The following VPS13B variants were observed in gnomAD, a reference collection of about 807,000 sequenced individuals.
VPS13B encodes vacuolar protein sorting 13 homolog B.
VPS13B carries 285 observed loss-of-function variants against 426.4 expected under a neutral mutation model. The observed-to-expected ratio is 0.67, with a 90% CI of 0.61 to 0.74. VPS13B has a LOEUF of 0.74. Ranked by LOEUF, VPS13B falls within the 30% of genes least tolerant of loss-of-function variation. The pLI is 0.00. For synonymous variants in VPS13B, 1,676 were observed against 1,676.4 expected, an observed-to-expected ratio of 1.00 and a Z score of 0.01; for missense variants, 4,537 against 4,782.6, an observed-to-expected ratio of 0.95 and a Z score of 1.51.
intron 3 of VPS13B, among the ~76,000 whole-genome samples, chr8:99,090,737 T>A (rs1846097381): frequency 6.6e-6 from 1 of 152,152 alleles, no homozygotes; most frequent in Non-Finnish European, 1.5e-5. Flanking sequence ...CTGAGGGAAG[T>A]TATATACAAG....
rs1239054973 is a variant in VPS13B at position 99,876,582 on chromosome 8, AT to A, written c.*918del. ...AAGAACCCCAATATTAATGCTAACA[AT>A]TATACCAGTCCATTTTGTTTATTCT... On this transcript the variant is annotated 3_prime_UTR_variant, in exon 62 of 62. Transcript: ENST00000357162. 6.6e-6 allele frequency: 1 copy of A among 152,218 alleles called. No homozygotes were observed. The highest frequency in any genetic ancestry group is 2.4e-5 in the African/African-American group (1 of 41,462). 9.4% of individuals were successfully genotyped at this position (152,218 alleles called of 1,614,324 possible).
chr8:99,473,886 C>T (rs1274056497), intron 24 of VPS13B, among the ~76,000 whole-genome samples: 1 of 152,120 alleles, frequency 6.6e-6, no homozygotes, highest in Non-Finnish European at 1.5e-5. Context: ...ATGAAATCAA[C>T]TTCACTCTTT....
chr8:99,690,729 A>G (rs1249125628), intron 35 of VPS13B, among the ~76,000 whole-genome samples: 2 of 152,230 alleles, frequency 1.3e-5, no homozygotes, highest in Admixed American at 6.5e-5. Context: ...TTCTCCAAGA[A>G]TATATACAGT....
At chr8:99,707,204 G>T (rs538875018) in intron 36 of VPS13B, among the ~76,000 whole-genome samples, 11 of 152,292 alleles carry the variant, frequency 7.2e-5, no homozygotes, top group Admixed American at 6.5e-4. Flanking sequence ...TAAAGAGGCA[G>T]ACAGAATCTG....
intron 33 of VPS13B, among the ~76,000 whole-genome samples, chr8:99,585,904 G>A (rs1826278957): frequency 6.6e-6 from 1 of 152,104 alleles, no homozygotes; most frequent in Non-Finnish European, 1.5e-5. Flanking sequence ...ATCATATGGA[G>A]GTCCTCTTAC....
chr8:99,661,636 CCAT>C (rs1260148718), intron 35 of VPS13B, 145 bp downstream of exon 35: 2 of 965,794 alleles, frequency 2.1e-6, no homozygotes, highest in Non-Finnish European at 3.0e-6. Context: ...TTCAGGCTGC[CCAT>C]TTTAGAGATC....
In VPS13B at chr8:99,315,327, TTCTC is replaced by T. The variant is rs1293411961; in HGVS notation, c.2824+40081_2824+40084del. 2.8e-4 allele frequency among the ~76,000 whole-genome samples: 33 copies of T among 118,982 alleles called. No homozygotes were observed. The East Asian group carries it at 5.3e-3, about 19-fold the overall frequency. The allele number at this position is 118,982 out of a possible 152,430, so 78.1% of individuals were successfully genotyped here. A position where few individuals can be genotyped will look rare whatever the true frequency, so the allele number is the denominator to read the frequency against. On this transcript the variant is annotated intron_variant, in intron 19 of 61. Transcript: ENST00000357162. ...TGCAGGCTTTGTTAATTGTTTTAAA[TTCTC>T]TCTCTCTTTTTTTTTTTTTAACTAA...
At chr8:99,037,534 T>C (rs1842802615) in intron 2 of VPS13B, among the ~76,000 whole-genome samples, 1 of 152,150 alleles carries the variant, frequency 6.6e-6, no homozygotes, top group African/African-American at 2.4e-5. Context: ...GGCATATTGT[T>C]ACTGTGTTGC....
chr8:99,818,482 T>C lies in VPS13B; in HGVS notation c.8393T>C (p.Val2798Ala), dbSNP rs1814173225. The C allele has an allele frequency of 6.2e-7, 1 of 1,613,966 alleles. No individual in the cohort carries two copies. The highest frequency in any genetic ancestry group is 1.1e-5 in the South Asian group (1 of 91,084). Residue 2798 changes from valine to alanine, a missense_variant, in exon 46 of 62, where the codon GTC (valine) becomes GCC (alanine). Coordinates refer to ENST00000357162, the MANE Select transcript of VPS13B (RefSeq NM_152564.5). Reference sequence around the variant, plus strand: ...TCTTCAAACAGTTCCATTATTTATGTCTGGTGCACAGTTTTGACTTTAGAA... The same window carrying C: ...TCTTCAAACAGTTCCATTATTTATGCCTGGTGCACAGTTTTGACTTTAGAA... ...VPSSNSSIIY[V>A]WCTVLTLEPN...
chr8:99,028,664 G>T (rs1350046947), intron 2 of VPS13B, among the ~76,000 whole-genome samples: 16 of 130,914 alleles, frequency 1.2e-4, no homozygotes, highest in Non-Finnish European at 2.2e-4. Context: ...CTGGCCAGGT[G>T]GGGGGCTGAC....
At chr8:99,742,326 ATAAT>A (rs1809782329) in intron 39 of VPS13B, among the ~76,000 whole-genome samples, 1 of 152,232 alleles carries the variant, frequency 6.6e-6, no homozygotes, top group African/African-American at 2.4e-5. Flanking sequence ...AATTGAGGCA[ATAAT>A]TAATAGCTTA....
intron 30 of VPS13B, among the ~76,000 whole-genome samples, chr8:99,546,553 C>T (rs1823988153): frequency 6.6e-6 from 1 of 151,988 alleles, no homozygotes; most frequent in African/African-American, 2.4e-5. Context: ...AAAATGAAGT[C>T]TACCTATAGC....
intron 33 of VPS13B, among the ~76,000 whole-genome samples, chr8:99,607,366 A>G (rs1461609376): frequency 1.3e-5 from 2 of 152,184 alleles, no homozygotes; most frequent in East Asian, 3.8e-4. Context: ...CTAAGATACC[A>G]TGTGTATTTT....
At chr8:99,016,881 G>T (rs539046855) in intron 2 of VPS13B, among the ~76,000 whole-genome samples, 1 of 152,158 alleles carries the variant, frequency 6.6e-6, no homozygotes, top group African/African-American at 2.4e-5. Flanking sequence ...GAGCCACTGC[G>T]CCCGGCCAGG....
At chr8:99,640,022 T>TAAGAAGAAG (rs1278292892) in intron 33 of VPS13B, among the ~76,000 whole-genome samples, 6 of 89,398 alleles carry the variant, frequency 6.7e-5, no homozygotes, top group African/African-American at 1.6e-4. Context: ...ATAATAATAA[T>TAAGAAGAAG]AATAAGAAGA....
At chr8:99,697,497 A>T in intron 35 of VPS13B, 1 of 740,100 alleles carries the variant, frequency 1.4e-6, no homozygotes, top group Non-Finnish European at 2.5e-6. Flanking sequence ...AAGGAGCAGA[A>T]GTCGCTCACC....
At position 99,086,399 on chromosome 8, in the gene VPS13B, T is replaced by A. The variant is rs147654379; in HGVS notation, c.292-9913T>A. The stretch of plus-strand genomic sequence containing the variant: ...AGGTTTGTAACTTCTGTGCCATTGG[T>A]TCGAACTTCCTCCTTTAGCTCAGAG... On this transcript the variant is annotated intron_variant, in intron 3 of 61. Coordinates refer to ENST00000357162, the MANE Select transcript of VPS13B (RefSeq NM_152564.5). Among the ~76,000 whole-genome samples, 3 of 152,308 alleles carry A rather than the reference T, an allele frequency of 2.0e-5. No homozygotes were observed. In the East Asian group the frequency reaches 5.8e-4, roughly 29 times the overall value.
intron 19 of VPS13B, among the ~76,000 whole-genome samples, chr8:99,367,799 G>A (rs981276704): frequency 2.6e-5 from 4 of 152,224 alleles, no homozygotes; most frequent in East Asian, 1.9e-4. Context: ...GATTACAGGC[G>A]TATGCCACCA....
At chr8:99,835,790 G>A (rs747140449) in intron 54 of VPS13B, 52 bp downstream of exon 54, 53 of 1,589,080 alleles carry the variant, frequency 3.3e-5, no homozygotes, top group Admixed American at 6.7e-5. Flanking sequence ...GCCCTTTTCT[G>A]AGGTTTTGTC....
Sources: allele counts gnomAD v4.1 joint callset (sites outside exome capture counted in the v4.1 genomes callset), GRCh38; gene constraint gnomAD v4.1.1; transcripts MANE v1.5; gene names NCBI Gene and HGNC (gene_info 2026-07-23, HGNC 2026-07-21).